FAM13A: variants seen among roughly 807,000 people sequenced by gnomAD.
The protein encoded by FAM13A is family with sequence similarity 13 member A.
FAM13A carries 76 observed loss-of-function variants against 129.6 expected under a neutral mutation model. The ratio of observed to expected loss-of-function variants is 0.59; its 90% confidence interval spans 0.49 to 0.71. FAM13A has a LOEUF of 0.71. FAM13A is among the 30% of genes least tolerant of loss of function. FAM13A has a pLI of 0.00. For missense variants in FAM13A, 1,108 were observed against 1,249.3 expected (o/e 0.89, Z 1.70); for synonymous variants, 443 against 449.9 (o/e 0.98, Z 0.20).
chr4:88,857,713 C>T (rs1222445073), intron 6 of FAM13A, among the ~76,000 whole-genome samples: 2 of 148,880 alleles, frequency 1.3e-5, no homozygotes, highest in Non-Finnish European at 3.0e-5. Context: ...AAGCAAGTAA[C>T]ACTCCTTAGT....
chr4:88,939,851 T>A (rs1443178649), intron 4 of FAM13A, among the ~76,000 whole-genome samples: 1 of 152,158 alleles, frequency 6.6e-6, no homozygotes, highest in Non-Finnish European at 1.5e-5. Context: ...AGTAAGATGC[T>A]AGGGTCCTTA....
intron 2 of FAM13A, among the ~76,000 whole-genome samples, chr4:89,025,245 GTTTTTTTTTTTT>G (rs56710705): frequency 3.3e-5 from 2 of 61,372 alleles, no homozygotes; most frequent in African/African-American, 5.4e-5. Flanking sequence ...TGGAATCATT[GTTTTTTTTTTTT>G]TTTTTTTTTT....
At chr4:88,763,426 C>CA (rs1745169235) in intron 13 of FAM13A, among the ~76,000 whole-genome samples, 2 of 152,152 alleles carry the variant, frequency 1.3e-5, no homozygotes, top group African/African-American at 4.8e-5. Context: ...TGCCAAGTAT[C>CA]ACGTGTGTTA....
intron 5 of FAM13A, among the ~76,000 whole-genome samples, chr4:88,934,200 A>G (rs1476137550): frequency 2.0e-5 from 3 of 152,082 alleles, no homozygotes; most frequent in Non-Finnish European, 2.9e-5. Flanking sequence ...CCAATCCTCT[A>G]CTTCTGCCTT....
intron 6 of FAM13A, among the ~76,000 whole-genome samples, chr4:88,861,604 C>T (rs971873233): frequency 6.6e-6 from 1 of 152,100 alleles, no homozygotes; most frequent in Non-Finnish European, 1.5e-5. Context: ...ATTTAATAAG[C>T]ATTTACCAAA....
At chr4:88,980,681 C>T (rs760509716) in intron 4 of FAM13A, among the ~76,000 whole-genome samples, 3 of 152,148 alleles carry the variant, frequency 2.0e-5, no homozygotes, top group African/African-American at 7.2e-5. Flanking sequence ...ACAGCTTGGG[C>T]TTGATTTTTA....
At chr4:88,947,911 A>C (rs1756215321) in intron 4 of FAM13A, among the ~76,000 whole-genome samples, 1 of 152,182 alleles carries the variant, frequency 6.6e-6, no homozygotes, top group South Asian at 2.1e-4. Context: ...CGGGTTATCT[A>C]TTAAGTACAG....
Position 89,029,904 on chromosome 4 carries a change from G to A in FAM13A, c.28-255C>T, listed in dbSNP as rs181569274. ...CTAAGAGAGGGAGCAATACACTGCC[G>A]TATCTAAGATATATTACTACAGTAA... On this transcript the variant is annotated intron_variant, in intron 1 of 23. Coordinates refer to ENST00000264344, the MANE Select transcript of FAM13A (RefSeq NM_014883.4). 245 of 452,624 alleles carry A rather than the reference G, an allele frequency of 5.4e-4. 1 individual carries two copies. The highest frequency in any genetic ancestry group is 4.4e-3 in the African/African-American group (213 of 48,184). 28.0% of individuals were successfully genotyped at this position (452,624 alleles called of 1,614,324 possible).
intron 6 of FAM13A, among the ~76,000 whole-genome samples, chr4:88,869,286 G>A (rs1227541105): frequency 6.6e-6 from 1 of 152,194 alleles, no homozygotes; most frequent in Non-Finnish European, 1.5e-5. Flanking sequence ...TTTAATTACA[G>A]TTGTCCCTGT....
intron 3 of FAM13A, among the ~76,000 whole-genome samples, chr4:89,013,302 AAC>A (rs1255702975): frequency 2.7e-5 from 4 of 148,674 alleles, no homozygotes; most frequent in Non-Finnish European, 4.5e-5. Context: ...ATATATATAA[AAC>A]ACAGTATATA....
At chr4:89,008,831 A>G (rs371472207) in intron 3 of FAM13A, 28 of 152,332 alleles carry the variant, frequency 1.8e-4, no homozygotes, top group African/African-American at 6.5e-4. Context: ...ATTGTTATCT[A>G]TTTATATCTA....
At position 88,760,599 on chromosome 4, in the gene FAM13A, G is replaced by A. The variant is rs1286640764; in HGVS notation, c.1579-1698C>T. On this transcript the variant is annotated intron_variant, in intron 13 of 23. Coordinates refer to ENST00000264344, the MANE Select transcript of FAM13A (RefSeq NM_014883.4). ...AGCCTGGGCGACAGAGCGAGACTCC[G>A]TCTCAAAAAAAAAAAAAAAAAAAAA... Among the ~76,000 whole-genome samples, 6 of 7,952 alleles carry A rather than the reference G, an allele frequency of 7.5e-4. 2 individuals are homozygous for A. The highest frequency in any genetic ancestry group is 1.2e-3 in the African/African-American group (5 of 4,006). 5.2% of individuals were successfully genotyped at this position (7,952 alleles called of 152,430 possible). A position where few individuals can be genotyped will look rare whatever the true frequency, so the allele number is the denominator to read the frequency against.
intron 6 of FAM13A, among the ~76,000 whole-genome samples, chr4:88,904,636 G>T (rs1404991953): frequency 6.6e-6 from 1 of 152,068 alleles, no homozygotes; most frequent in African/African-American, 2.4e-5. Context: ...TTAGGGTGAG[G>T]GAATAAGCAA....
At chr4:88,738,428 C>T (rs1739457182) in intron 20 of FAM13A, among the ~76,000 whole-genome samples, 1 of 152,158 alleles carries the variant, frequency 6.6e-6, no homozygotes, top group Non-Finnish European at 1.5e-5. Context: ...CTTCCTGTCG[C>T]TGAAGGCAAG....
In FAM13A at chr4:88,869,946, T is replaced by A. The variant is rs75967663; in HGVS notation, c.844-18763A>T. On this transcript the variant is annotated intron_variant, in intron 6 of 23. Transcript: ENST00000264344. Reference sequence around the variant, plus strand: ...AATAGGACCAATCACAAAATACTCATAATTTATATAATTTATATTCTCTCT... The same window carrying A: ...AATAGGACCAATCACAAAATACTCAAAATTTATATAATTTATATTCTCTCT... 2.8e-3 allele frequency among the ~76,000 whole-genome samples: 434 copies of A among 152,286 alleles called. 3 individuals are homozygous for A. The highest frequency in any genetic ancestry group is 9.7e-3 in the African/African-American group (403 of 41,560).
At chr4:89,013,065 C>A (rs1765938649) in intron 3 of FAM13A, among the ~76,000 whole-genome samples, 1 of 151,954 alleles carries the variant, frequency 6.6e-6, no homozygotes, top group Non-Finnish European at 1.5e-5. Flanking sequence ...GCAGCATCTG[C>A]TTTTAATGGG....
At chr4:88,973,565 T>C (rs1579572877) in intron 4 of FAM13A, among the ~76,000 whole-genome samples, 1 of 139,140 alleles carries the variant, frequency 7.2e-6, no homozygotes, top group African/African-American at 2.8e-5. Flanking sequence ...CTGTCTACTT[T>C]ATCCATTAGG....
At chr4:88,939,019 G>A (rs1754308362) in intron 4 of FAM13A, among the ~76,000 whole-genome samples, 1 of 152,162 alleles carries the variant, frequency 6.6e-6, no homozygotes, top group African/African-American at 2.4e-5. Context: ...AATAACCAGA[G>A]AAATACATTT....
intron 5 of FAM13A, among the ~76,000 whole-genome samples, chr4:88,918,740 C>T (rs1260369053): frequency 1.3e-5 from 2 of 152,196 alleles, no homozygotes; most frequent in African/African-American, 2.4e-5. Flanking sequence ...CCTAAGTATT[C>T]AACTAAGCTT....
Sources: allele counts gnomAD v4.1 joint callset (sites outside exome capture counted in the v4.1 genomes callset), GRCh38; gene constraint gnomAD v4.1.1; transcripts MANE v1.5; gene names NCBI Gene and HGNC (gene_info 2026-07-23, HGNC 2026-07-21).